PRRC2A: variants seen among roughly 807,000 people sequenced by gnomAD.
PRRC2A encodes proline rich coiled-coil 2A, also known as protein PRRC2A.
In PRRC2A, 59 loss-of-function variants were observed where a neutral mutation model predicts 224.6. The ratio of observed to expected loss-of-function variants is 0.26; its 90% CI spans 0.21 to 0.33. The LOEUF (loss-of-function observed/expected upper bound fraction) is 0.33, where lower values mean the gene tolerates loss of function less well. Among genes scored for constraint, PRRC2A ranks in the 10% least tolerant of loss-of-function variants. The probability of loss-of-function intolerance (pLI) is 1.00; values close to 1 mark genes in which losing one functional copy is unlikely to be tolerated. For synonymous variants in PRRC2A, 1,194 were observed against 1,109.5 expected (o/e 1.08, Z -1.51); for missense variants, 3,095 against 2,880.7 (o/e 1.07, Z -1.70).
In PRRC2A at chr6:31,632,110, C is replaced by G; in HGVS notation, c.3437C>G (p.Pro1146Arg). The G allele has an allele frequency of 6.4e-7, 1 of 1,552,784 alleles. No homozygotes were observed. Among genetic ancestry groups the G allele is most frequent in the Non-Finnish European group, 8.7e-7 (1 of 1,148,858 alleles). Residue 1146 changes from proline to arginine, a missense_variant, in exon 16 of 31, where the codon CCT becomes CGT. Pro to Arg is a moderately radical substitution (Grantham distance 103). This residue lies in a region of PRRC2A where 2,001 missense variants were observed against 1,764.9 expected (regional missense o/e 1.13). Coordinates refer to ENST00000376033, the MANE Select transcript of PRRC2A (RefSeq NM_004638.4). ...GCTCCCCCACCACCAGGAGCCCCAC[C>G]TTCACCAGCCCCAGCCCGCTTCACT... Reference protein sequence around the residue: ...PLAPPPPGAPPSPAPARFTAR... With the variant: ...PLAPPPPGAPRSPAPARFTAR...
In PRRC2A at chr6:31,632,342, C is replaced by CGGAGGCAGCAAT. The variant is rs764094402; in HGVS notation, c.3675_3686dup (p.Gly1228_Asn1231dup). ...CAGGGCCTCTGTCCCCTGTGGCGCG[C>CGGAGGCAGCAAT]GGAGGCAGCAATGGAGGTAGCAATG... On this transcript the variant is annotated inframe_insertion, in exon 16 of 31. Transcript: ENST00000376033. The CGGAGGCAGCAAT allele has an allele frequency of 1.6e-5, 26 of 1,613,362 alleles. No individual in the cohort carries two copies. The South Asian group carries it at 2.1e-4, about 13-fold the overall frequency.
In PRRC2A at chr6:31,623,139, A is replaced by G. The variant is rs1209486779; in HGVS notation, c.112+238A>G. On this transcript the variant is annotated intron_variant, in intron 2 of 30. Transcript: ENST00000376033. ...TTGGACACGTAAGAATTGGAGGAAAATAAATGTGGATTTGGGAAACTTTGA... is the reference window on the plus strand; with the variant it reads ...TTGGACACGTAAGAATTGGAGGAAAGTAAATGTGGATTTGGGAAACTTTGA... 13 of 751,208 alleles carry G rather than the reference A, an allele frequency of 1.7e-5. 1 individual carries two copies. The East Asian group carries it at 3.2e-4, about 19-fold the overall frequency. The allele number at this position is 751,208 out of a possible 1,614,324, so 46.5% of individuals were successfully genotyped here.
Position 31,633,116 on chromosome 6 carries a change from CA to C in PRRC2A, c.4319+125del, listed in dbSNP as rs1434209929. 25 of 1,314,980 alleles carry C rather than the reference CA, an allele frequency of 1.9e-5. 1 individual carries two copies. In the Admixed American group the frequency reaches 4.9e-4, roughly 26 times the overall value. The allele number at this position is 1,314,980 out of a possible 1,614,324, so 81.5% of individuals were successfully genotyped here. On this transcript the variant is annotated intron_variant, in intron 16 of 30. Coordinates refer to ENST00000376033, the MANE Select transcript of PRRC2A (RefSeq NM_004638.4). ...TGAGGGGCCATGGGCTCTAGAATGT[CA>C]GTAGGATTTCCATGTCTGGCTAAGG...
At chr6:31,634,207 G>A (rs763980382) in intron 18 of PRRC2A, 29 bp from the exon 19 acceptor site, 62 of 1,575,282 alleles carry the variant, frequency 3.9e-5, no homozygotes, top group East Asian at 3.8e-4. Context: ...CCCAATTCAT[G>A]TTTTGCTTCT....
At chr6:31,634,067 T>C in intron 18 of PRRC2A, 78 bp downstream of exon 18, 1 of 1,579,854 alleles carries the variant, frequency 6.3e-7, no homozygotes, top group Non-Finnish European at 8.5e-7. Flanking sequence ...TTCTCTGTTT[T>C]CTTTCCTGTT....
In PRRC2A at chr6:31,629,828, C is replaced by T. The variant is rs1776336947; in HGVS notation, c.2237C>T (p.Pro746Leu). The T allele has an allele frequency of 1.2e-6, 2 of 1,613,942 alleles. No homozygotes were observed. The highest frequency in any genetic ancestry group is 1.7e-5 in the Admixed American group (1 of 59,992). Reference sequence around the variant, plus strand: ...CGTCCCCCTCTAGACTTCTACCCTCCTGGTGTGCATCCCTCTGGTAAGGGG... The same window carrying T: ...CGTCCCCCTCTAGACTTCTACCCTCTTGGTGTGCATCCCTCTGGTAAGGGG... ...QGRPPLDFYP[P>L]GVHPSGLVPR... The change falls in exon 14 of 31, where the codon CCT becomes CTT. Residue 746 changes from proline (P) to leucine (L), a missense_variant. Around this residue, in one of 8 missense-constraint regions of PRRC2A, gnomAD observed 2,001 missense variants for 1,764.9 expected, o/e 1.13. Transcript: ENST00000376033.
intron 15 of PRRC2A, 110 bp downstream of exon 15, chr6:31,630,911 CTGGA>C: frequency 7.1e-7 from 1 of 1,401,428 alleles, no homozygotes. Flanking sequence ...AAAGGAGAGG[CTGGA>C]TGGAGTGGCT....
chr6:31,626,131 G>C lies in PRRC2A; in HGVS notation c.951G>C (p.Gln317His), dbSNP rs747669546. The C allele has an allele frequency of 8.1e-6, 13 of 1,612,766 alleles. No individual in the cohort carries two copies. In the East Asian group the frequency reaches 2.9e-4, roughly 36 times the overall value. The change falls in exon 9 of 31, where the codon CAG (glutamine) becomes CAC (histidine). Residue 317 changes from glutamine to histidine, a missense_variant. By Grantham distance (24) the Gln-to-His change is conservative (BLOSUM62 0). This residue lies in a region of PRRC2A where 287 missense variants were observed against 275.3 expected (regional missense o/e 1.04). Coordinates refer to ENST00000376033, the MANE Select transcript of PRRC2A (RefSeq NM_004638.4). ...AGGATAATCTCAAAGAGTTTGATCA[G>C]TTGGATCAGGAGAATGATGATGGTT... ...LKEDNLKEFD[Q>H]LDQENDDGWA...
Position 31,623,920 on chromosome 6 carries a change from G to C in PRRC2A, c.290+11G>C, listed in dbSNP as rs200247738. On this transcript the variant is annotated intron_variant, in intron 3 of 30. Coordinates refer to ENST00000376033, the MANE Select transcript of PRRC2A (RefSeq NM_004638.4). ...GTCCGACCCCAAGAGGTAGACAGAG[G>C]CTTGGGGGACCTAGAGTGATGGGTA... The C allele has an allele frequency of 5.2e-5, 84 of 1,613,664 alleles. No individual in the cohort carries two copies. Among genetic ancestry groups the C allele is most frequent in the Non-Finnish European group, 6.6e-5 (78 of 1,179,664 alleles).
At position 31,632,817 on chromosome 6, in the gene PRRC2A, A is replaced by G. The variant is rs1199399182; in HGVS notation, c.4144A>G (p.Lys1382Glu). ...DLSQRAKDLS[K>E]RSFSSQRPGM... Reference sequence around the variant, plus strand: ...GAGCCAGAGAGCCAAGGATTTGAGTAAACGGAGCTTCTCAAGTCAGCGGCC... The same window carrying G: ...GAGCCAGAGAGCCAAGGATTTGAGTGAACGGAGCTTCTCAAGTCAGCGGCC... The change falls in exon 16 of 31, where the codon AAA becomes GAA. Residue 1382 changes from lysine to glutamate, a missense_variant. Around this residue, in one of 8 missense-constraint regions of PRRC2A, gnomAD observed 2,001 missense variants for 1,764.9 expected, o/e 1.13. Coordinates refer to ENST00000376033, the MANE Select transcript of PRRC2A (RefSeq NM_004638.4). 3.7e-6 allele frequency: 6 copies of G among 1,613,022 alleles called. No homozygotes were observed. The highest frequency in any genetic ancestry group is 5.1e-6 in the Non-Finnish European group (6 of 1,180,024).
intron 20 of PRRC2A, 21 bp downstream of exon 20, chr6:31,634,578 G>A (rs777593887): frequency 1.2e-6 from 2 of 1,607,266 alleles, no homozygotes; most frequent in Non-Finnish European, 1.7e-6. Context: ...GTGGGAGGGT[G>A]TGTCTGAGCT....
intron 3 of PRRC2A, 145 bp from the exon 4 acceptor site, chr6:31,624,116 C>T (rs1775621422): frequency 9.3e-7 from 1 of 1,071,172 alleles, no homozygotes; most frequent in South Asian, 1.6e-5. Context: ...AAATAGACAA[C>T]AGCCTACAAA....
Position 31,632,673 on chromosome 6 carries a change from C to T in PRRC2A, c.4000C>T (p.Arg1334Cys), listed in dbSNP as rs753706865. ...AGAGAGCAGTGACTTCACCAGTGAG[C>T]GCCGAGGGGACAAAGAGGCACCCCC... The part of the protein sequence containing the change: ...ASESSDFTSE[R>C]RGDKEAPPPV... The change falls in exon 16 of 31, where the codon CGC (arginine) becomes TGC (cysteine). Residue 1334 changes from arginine to cysteine, a missense_variant. Transcript: ENST00000376033. 22 of 1,613,096 alleles carry T rather than the reference C, an allele frequency of 1.4e-5. No homozygotes were observed. Among genetic ancestry groups the T allele is most frequent in the South Asian group, 3.3e-5 (3 of 91,088 alleles).
Position 31,627,333 on chromosome 6 carries a change from C to T in PRRC2A, c.1290+135C>T. 1 of 666,742 alleles carries T rather than the reference C, an allele frequency of 1.5e-6. No individual in the cohort carries two copies. Among genetic ancestry groups the T allele is most frequent in the Non-Finnish European group, 2.5e-6 (1 of 392,200 alleles). The allele number at this position is 666,742 out of a possible 1,614,324, so 41.3% of individuals were successfully genotyped here. ...TGTGAAGTGCCAGGCTGCAGAACAT[C>T]CTGGGAAGCTTTTAAATATCTTTGG... On this transcript the variant is annotated intron_variant, in intron 11 of 30. Coordinates refer to ENST00000376033, the MANE Select transcript of PRRC2A (RefSeq NM_004638.4). The surrounding 1 kb of genome is among the most constrained non-coding windows in gnomAD (Gnocchi z 5.6).
intron 12 of PRRC2A, 133 bp downstream of exon 12, chr6:31,628,372 T>A: frequency 7.3e-7 from 1 of 1,365,434 alleles, no homozygotes; most frequent in Non-Finnish European, 9.7e-7. Flanking sequence ...TCAGTGATAG[T>A]GTTCTATCAT....
chr6:31,634,190 A>G (rs770940623), intron 18 of PRRC2A, 46 bp from the exon 19 acceptor site: 1 of 1,572,816 alleles, frequency 6.4e-7, no homozygotes, highest in Non-Finnish European at 8.6e-7. Context: ...ATAATTCCCA[A>G]TTCCCACCCA....
chr6:31,628,267 G>C (rs1365534780), intron 12 of PRRC2A, 28 bp downstream of exon 12: 7 of 1,587,342 alleles, frequency 4.4e-6, no homozygotes, highest in Non-Finnish European at 6.0e-6. Flanking sequence ...GGTACTACCA[G>C]ATGTCAGATC....
chr6:31,626,063 A>T lies in PRRC2A; in HGVS notation c.883A>T (p.Met295Leu). The stretch of plus-strand genomic sequence containing the variant: ...GGGCCCCCGAGGCTCAGGGCCACCA[A>T]TGCGCTTAGTAGAGCCTGTGGGTCG... ...VAGPRGSGPP[M>L]RLVEPVGRPS... The change falls in exon 9 of 31, where the codon ATG becomes TTG. Residue 295 changes from methionine (M) to leucine (L), a missense_variant. Physicochemically the swap from Met to Leu is conservative, Grantham distance 15. This residue lies in a region of PRRC2A where 287 missense variants were observed against 275.3 expected (regional missense o/e 1.04). Transcript: ENST00000376033. The T allele has an allele frequency of 6.2e-7, 1 of 1,612,918 alleles. No individual in the cohort carries two copies. The highest frequency in any genetic ancestry group is 8.5e-7 in the Non-Finnish European group (1 of 1,179,932).
In PRRC2A at chr6:31,630,629, A is replaced by G. The variant is rs779568119; in HGVS notation, c.2293A>G (p.Ser765Gly). ...AGAGCGTTCAGACAGTGGGGGCTCAAGCTCAGAGCCATTTGACCGTCATGC... is the reference window on the plus strand; with the variant it reads ...AGAGCGTTCAGACAGTGGGGGCTCAGGCTCAGAGCCATTTGACCGTCATGC... ...PRERSDSGGS[S>G]SEPFDRHAPA... The change falls in exon 15 of 31, where the codon AGC (serine) becomes GGC (glycine). Residue 765 changes from serine (S) to glycine (G), a missense_variant. Physicochemically the swap from Ser to Gly is moderately conservative, Grantham distance 56. This residue lies in a region of PRRC2A where 2,001 missense variants were observed against 1,764.9 expected (regional missense o/e 1.13). Transcript: ENST00000376033. 46 of 1,613,966 alleles carry G rather than the reference A, an allele frequency of 2.9e-5. No homozygotes were observed. Among genetic ancestry groups the G allele is most frequent in the Non-Finnish European group, 3.8e-5 (45 of 1,180,008 alleles).
Sources: allele counts gnomAD v4.1 joint callset, GRCh38; gene constraint gnomAD v4.1.1; regional missense constraint gnomAD v4.1.1; non-coding constraint Gnocchi (gnomAD v3.1); transcripts MANE v1.5; gene names NCBI Gene and HGNC (gene_info 2026-07-23, HGNC 2026-07-21).